RANBP2: variants seen among roughly 807,000 people sequenced by gnomAD.
RANBP2 encodes E3 SUMO-protein ligase RanBP2.
Under a neutral mutation model 303.6 loss-of-function variants are expected in RANBP2, and 57 were observed. The ratio of observed to expected loss-of-function variants is 0.19; its 90% CI spans 0.15 to 0.23. The LOEUF (loss-of-function observed/expected upper bound fraction) is 0.23. Ranked by LOEUF, RANBP2 falls within the 10% of genes least tolerant of loss-of-function variation. The probability of loss-of-function intolerance (pLI) is 1.00; values close to 1 mark genes in which losing one functional copy is unlikely to be tolerated. For synonymous variants in RANBP2, 1,167 were observed against 1,301.5 expected, an observed-to-expected ratio of 0.90 and a Z score of 2.23; for missense variants, 3,138 against 3,780.8, an observed-to-expected ratio of 0.83 and a Z score of 4.46.
the RANBP2 span, among the ~76,000 whole-genome samples, chr2:109,481,083 G>A: frequency 6.8e-4 from 104 of 152,336 alleles, 1 homozygote; most frequent in African/African-American, 2.3e-3. Context: ...CTCACCTGCT[G>A]CTGCCAAAAA....
chr2:109,429,927 C>G, the RANBP2 span, among the ~76,000 whole-genome samples: 78,656 of 147,952 alleles, frequency 0.53, 21,775 homozygotes, highest in African/African-American at 0.72. Flanking sequence ...CCCCAGTCAG[C>G]GGGTGTAGCC....
the RANBP2 span, among the ~76,000 whole-genome samples, chr2:109,217,242 T>C: frequency 6.6e-6 from 1 of 152,256 alleles, no homozygotes; most frequent in African/African-American, 2.4e-5. Context: ...TTTAATAAAA[T>C]TCTGTCTTCC....
At chr2:108,955,756 G>A in the RANBP2 span, among the ~76,000 whole-genome samples, 12 of 152,058 alleles carry the variant, frequency 7.9e-5, no homozygotes, top group African/African-American at 2.9e-4. Flanking sequence ...GTAGGGCGCG[G>A]TGGCTCATGC....
At chr2:108,940,327 C>G in the RANBP2 span, 13 of 152,374 alleles carry the variant, frequency 8.5e-5, no homozygotes, top group Non-Finnish European at 1.9e-4. Context: ...CTCGGATGGT[C>G]TGAAGGGGAA....
chr2:108,817,098 G>A, the RANBP2 span, among the ~76,000 whole-genome samples: 1 of 152,140 alleles, frequency 6.6e-6, no homozygotes, highest in African/African-American at 2.4e-5. Flanking sequence ...ATAGCACATG[G>A]CAAAAGGGAA....
the RANBP2 span, chr2:109,567,831 A>T: frequency 6.2e-7 from 1 of 1,604,828 alleles, no homozygotes; most frequent in African/African-American, 1.3e-5. Context: ...TGCAGCGTTG[A>T]CCTTAGCAAT....
the RANBP2 span, among the ~76,000 whole-genome samples, chr2:109,299,767 A>G: frequency 6.6e-6 from 1 of 152,220 alleles, no homozygotes; most frequent in Non-Finnish European, 1.5e-5. Context: ...CTCAGTTGGC[A>G]GCACCAGATG....
At chr2:108,839,210 T>G in the RANBP2 span, 1 of 1,611,966 alleles carries the variant, frequency 6.2e-7, no homozygotes, top group Non-Finnish European at 8.5e-7. Context: ...ACAGAGCAGC[T>G]ACAGTGGATG....
the RANBP2 span, among the ~76,000 whole-genome samples, chr2:109,217,996 C>T: frequency 4.1e-4 from 62 of 152,264 alleles, no homozygotes; most frequent in East Asian, 0.011. Flanking sequence ...CACAGGTGTG[C>T]GGACTCGAGT....
the RANBP2 span, among the ~76,000 whole-genome samples, chr2:109,199,191 G>T: frequency 6.6e-6 from 1 of 151,934 alleles, no homozygotes; most frequent in South Asian, 2.1e-4. Context: ...AACCCTGTCT[G>T]TACGAAAAAT....
the RANBP2 span, among the ~76,000 whole-genome samples, chr2:109,021,455 G>A: frequency 2.0e-5 from 3 of 150,712 alleles, no homozygotes; most frequent in Non-Finnish European, 2.9e-5. Flanking sequence ...CCCGGGAGGC[G>A]GAGCTTTCAG....
the RANBP2 span, among the ~76,000 whole-genome samples, chr2:109,111,451 T>G: frequency 1.5e-5 from 2 of 135,440 alleles, no homozygotes; most frequent in Non-Finnish European, 3.2e-5. Context: ...CCTCTAAGGA[T>G]GAAATGCACA....
chr2:108,733,566 A>C (rs1022833936), intron 4 of RANBP2, among the ~76,000 whole-genome samples: 2 of 152,200 alleles, frequency 1.3e-5, no homozygotes, highest in African/African-American at 2.4e-5. Flanking sequence ...AATATTACTG[A>C]TAAGTTTTTC....
the RANBP2 span, among the ~76,000 whole-genome samples, chr2:109,242,383 G>C: frequency 3.3e-5 from 5 of 152,138 alleles, no homozygotes; most frequent in Non-Finnish European, 7.4e-5. Flanking sequence ...TGTCTGTGTC[G>C]TGCCTCGTTG....
the RANBP2 span, among the ~76,000 whole-genome samples, chr2:109,012,659 A>C: frequency 5.3e-5 from 8 of 152,350 alleles, no homozygotes; most frequent in Non-Finnish European, 1.2e-4. Flanking sequence ...TCACGCCTGT[A>C]ATCCCAGCAC....
chr2:109,560,130 C>T, the RANBP2 span, among the ~76,000 whole-genome samples: 1 of 152,048 alleles, frequency 6.6e-6, no homozygotes, highest in East Asian at 1.9e-4. Context: ...CCGTGTTAGC[C>T]AGGATAGTCT....
the RANBP2 span, among the ~76,000 whole-genome samples, chr2:109,701,748 G>A: frequency 1.3e-5 from 2 of 152,114 alleles, no homozygotes; most frequent in African/African-American, 4.8e-5. Context: ...GGAATAAAAC[G>A]GAGGCAGGTT....
chr2:108,772,130 G>A (rs1677550696), intron 21 of RANBP2, among the ~76,000 whole-genome samples: 1 of 152,178 alleles, frequency 6.6e-6, no homozygotes, highest in African/African-American at 2.4e-5. Context: ...TAATTTTGCT[G>A]GAGTCTTAAA....
At chr2:109,600,829 G>A in the RANBP2 span, among the ~76,000 whole-genome samples, 1 of 152,092 alleles carries the variant, frequency 6.6e-6, no homozygotes, top group Non-Finnish European at 1.5e-5. Context: ...TAGAAATCAG[G>A]GTCCCCACAA....
Sources: allele counts gnomAD v4.1 joint callset (sites outside exome capture counted in the v4.1 genomes callset), GRCh38; gene constraint gnomAD v4.1.1; transcripts MANE v1.5; gene names NCBI Gene and HGNC (gene_info 2026-07-23, HGNC 2026-07-21).